NBAS: variants seen among roughly 807,000 people sequenced by gnomAD.
NBAS encodes the protein NBAS subunit of NRZ tethering complex, also known as NAG/BC035112 fusion.
Under a neutral mutation model 302.5 loss-of-function variants are expected in NBAS, and 219 were observed. That is an observed-to-expected ratio of 0.72 (90% CI 0.65 to 0.81). NBAS has a LOEUF of 0.81. NBAS is among the 30% of genes least tolerant of loss of function. NBAS has a pLI of 0.00. For synonymous variants in NBAS, 1,118 were observed against 1,021.6 expected (o/e 1.09, Z -1.80); for missense variants, 2,932 against 2,841.6 (o/e 1.03, Z -0.72).
chr2:15,103,800 C>G, the NBAS span, among the ~76,000 whole-genome samples: 1 of 152,138 alleles, frequency 6.6e-6, no homozygotes, highest in East Asian at 1.9e-4. Flanking sequence ...GTGGAACTGT[C>G]ACTTCCATGG....
intron 35 of NBAS, among the ~76,000 whole-genome samples, chr2:15,332,505 T>C (rs371339982): frequency 1.8e-4 from 28 of 152,148 alleles, no homozygotes; most frequent in African/African-American, 6.0e-4. Flanking sequence ...TTGTTTAGGG[T>C]TGCCCATACG....
chr2:15,076,956 A>G, the NBAS span, among the ~76,000 whole-genome samples: 1 of 152,256 alleles, frequency 6.6e-6, no homozygotes, highest in Non-Finnish European at 1.5e-5. Context: ...AATTATACAG[A>G]CACACTTCTA....
chr2:15,543,372 G>C (rs1476675176), intron 6 of NBAS, among the ~76,000 whole-genome samples: 4 of 152,062 alleles, frequency 2.6e-5, no homozygotes, highest in Non-Finnish European at 4.4e-5. Context: ...ACCACCCTAA[G>C]TAGCCTCTGA....
At chr2:14,819,809 T>G in the NBAS span, among the ~76,000 whole-genome samples, 1 of 152,048 alleles carries the variant, frequency 6.6e-6, no homozygotes, top group Non-Finnish European at 1.5e-5. Flanking sequence ...TTCAAACAAC[T>G]CTATAGGAAA....
At chr2:15,146,675 G>T in the NBAS span, among the ~76,000 whole-genome samples, 2 of 152,076 alleles carry the variant, frequency 1.3e-5, no homozygotes, top group Admixed American at 6.5e-5. Flanking sequence ...TCTGGGACAG[G>T]GAGCAATAGG....
chr2:14,913,877 C>T, the NBAS span, among the ~76,000 whole-genome samples: 2 of 152,158 alleles, frequency 1.3e-5, no homozygotes, highest in East Asian at 3.8e-4. Context: ...GAAGGGATTT[C>T]AATCCTAGCC....
At chr2:15,364,254 C>T (rs1483338327) in intron 32 of NBAS, among the ~76,000 whole-genome samples, 1 of 152,030 alleles carries the variant, frequency 6.6e-6, no homozygotes, top group Non-Finnish European at 1.5e-5. Context: ...TTGAAGCAGC[C>T]GGGCACAGTG....
chr2:15,106,431 G>A, the NBAS span, among the ~76,000 whole-genome samples: 1 of 135,560 alleles, frequency 7.4e-6, no homozygotes, highest in East Asian at 2.3e-4. Context: ...GTGTCTCTCT[G>A]TGCCTCTATC....
the NBAS span, among the ~76,000 whole-genome samples, chr2:14,995,760 C>T: frequency 6.6e-6 from 1 of 152,108 alleles, no homozygotes; most frequent in African/African-American, 2.4e-5. Flanking sequence ...CTATGTTGCC[C>T]AGTGCAGTGG....
the NBAS span, among the ~76,000 whole-genome samples, chr2:14,930,281 T>C: frequency 6.6e-6 from 1 of 151,886 alleles, no homozygotes; most frequent in Non-Finnish European, 1.5e-5. Flanking sequence ...AAGAGTAAAA[T>C]AGAGAAAAAA....
chr2:15,328,145 CT>C, intron 37 of NBAS, 53 bp downstream of exon 37: 1 of 1,528,172 alleles, frequency 6.5e-7, no homozygotes, highest in Non-Finnish European at 9.0e-7. Context: ...TTTGTTTCTA[CT>C]GTCTACAACA....
chr2:15,235,857 CTA>C (rs1667569334), intron 45 of NBAS, among the ~76,000 whole-genome samples: 1 of 152,228 alleles, frequency 6.6e-6, no homozygotes, highest in South Asian at 2.1e-4. Flanking sequence ...AGAAAAATCC[CTA>C]TGAGTTAAGC....
At chr2:14,991,596 A>G in the NBAS span, among the ~76,000 whole-genome samples, 2 of 152,142 alleles carry the variant, frequency 1.3e-5, no homozygotes, top group Non-Finnish European at 2.9e-5. Flanking sequence ...CAGGTGCATT[A>G]CCCATTAAAT....
At chr2:15,182,126 ACT>A (rs1269648604) in intron 50 of NBAS, among the ~76,000 whole-genome samples, 9 of 152,198 alleles carry the variant, frequency 5.9e-5, no homozygotes, top group African/African-American at 2.2e-4. Flanking sequence ...CCAACTGGGC[ACT>A]GCAGCGGCTT....
the NBAS span, among the ~76,000 whole-genome samples, chr2:14,885,043 C>T: frequency 1.1e-4 from 17 of 152,280 alleles, no homozygotes; most frequent in South Asian, 3.5e-3. Flanking sequence ...CCTTGAAGAC[C>T]AGGCCCAGGA....
At chr2:15,117,694 T>C in the NBAS span, among the ~76,000 whole-genome samples, 1 of 152,222 alleles carries the variant, frequency 6.6e-6, no homozygotes, top group East Asian at 1.9e-4. Flanking sequence ...TTATTGTTCA[T>C]GGACTCCTTT....
At chr2:15,160,529 C>T in the NBAS span, among the ~76,000 whole-genome samples, 2 of 144,702 alleles carry the variant, frequency 1.4e-5, no homozygotes, top group Admixed American at 1.5e-4. Context: ...TGTGAGACAA[C>T]CTTGGCAGAG....
intron 21 of NBAS, among the ~76,000 whole-genome samples, chr2:15,455,722 T>C (rs1357284305): frequency 2.0e-5 from 3 of 151,024 alleles, no homozygotes; most frequent in East Asian, 3.9e-4. Context: ...AAGACTGCAG[T>C]GCAGTTAAGA....
chr2:15,542,813 A>AT (rs1457223789), intron 6 of NBAS, among the ~76,000 whole-genome samples: 1 of 152,238 alleles, frequency 6.6e-6, no homozygotes, highest in Admixed American at 6.5e-5. Flanking sequence ...GTGATAACAG[A>AT]TTTTTCCTCT....
Sources: gnomAD v4.1 joint callset for allele counts (sites outside exome capture counted in the v4.1 genomes callset) on GRCh38, gnomAD v4.1.1 for gene constraint, MANE v1.5 for transcripts, NCBI Gene and HGNC (gene_info 2026-07-23, HGNC 2026-07-21) for gene names.